ANO6: variants seen among roughly 807,000 people sequenced by gnomAD.
ANO6 encodes the protein anoctamin 6.
ANO6 carries 106 observed loss-of-function variants against 117.5 expected under a neutral mutation model. The ratio of observed to expected loss-of-function variants is 0.90; its 90% confidence interval spans 0.77 to 1.06. The LOEUF is 1.06. Ranked by LOEUF, ANO6 falls within the 50% of genes least tolerant of loss-of-function variation. The pLI is 0.00. For missense variants in ANO6, 955 were observed against 1,121.1 expected (o/e 0.85, Z 2.12); for synonymous variants, 367 against 385.1 (o/e 0.95, Z 0.55).
chr12:45,386,405 CCTT>C (rs1231901215), intron 10 of ANO6, among the ~76,000 whole-genome samples: 1 of 152,332 alleles, frequency 6.6e-6, no homozygotes. Context: ...GCACACTTGA[CCTT>C]CTTAAGACAC....
intron 1 of ANO6, among the ~76,000 whole-genome samples, chr12:45,222,744 C>T (rs1362729070): frequency 2.6e-5 from 4 of 152,194 alleles, no homozygotes; most frequent in African/African-American, 9.7e-5. Context: ...GAAATTCTCC[C>T]ATCTACCTTG....
intron 10 of ANO6, among the ~76,000 whole-genome samples, chr12:45,381,714 A>G (rs1324039050): frequency 1.3e-5 from 2 of 152,196 alleles, no homozygotes; most frequent in Non-Finnish European, 2.9e-5. Context: ...TTGCAATCCT[A>G]TCACTTCCCA....
chr12:45,255,340 A>G (rs1937771912), intron 1 of ANO6, among the ~76,000 whole-genome samples: 1 of 152,194 alleles, frequency 6.6e-6, no homozygotes, highest in African/African-American at 2.4e-5. Context: ...TCTCTACTAA[A>G]AATACAACAA....
chr12:45,431,690 A>G lies in ANO6; in HGVS notation c.*2379A>G, dbSNP rs1943636934. The stretch of plus-strand genomic sequence containing the variant: ...GTCCACGGCTGACTTGCAGTGATAA[A>G]GAAAAGCATGGAGCTGTGTCTGCAG... On this transcript the variant is annotated 3_prime_UTR_variant, in exon 20 of 20. Transcript: ENST00000320560. 1 of 985,344 alleles carries G rather than the reference A, an allele frequency of 1.0e-6. No homozygotes were observed. Among genetic ancestry groups the G allele is most frequent in the Non-Finnish European group, 1.2e-6 (1 of 829,950 alleles). The allele number at this position is 985,344 out of a possible 1,614,324, so 61.0% of individuals were successfully genotyped here.
chr12:45,290,808 G>A (rs183401418), intron 1 of ANO6, among the ~76,000 whole-genome samples: 56 of 152,296 alleles, frequency 3.7e-4, no homozygotes, highest in Non-Finnish European at 7.5e-4. Flanking sequence ...AATTTCATAT[G>A]AGATGGCAAG....
intron 2 of ANO6, among the ~76,000 whole-genome samples, chr12:45,328,330 C>T (rs559947929): frequency 2.0e-5 from 3 of 152,176 alleles, no homozygotes; most frequent in African/African-American, 4.8e-5. Context: ...TTTCCACCTT[C>T]GGAAGTCAGC....
chr12:45,297,229 A>G (rs1261497666), intron 1 of ANO6, among the ~76,000 whole-genome samples: 1 of 152,156 alleles, frequency 6.6e-6, no homozygotes, highest in Non-Finnish European at 1.5e-5. Context: ...CAATCCCTGT[A>G]ACAGATGAGT....
At chr12:45,251,029 C>T (rs78737851) in intron 1 of ANO6, among the ~76,000 whole-genome samples, 2,069 of 151,340 alleles carry the variant, frequency 0.014, 52 homozygotes, top group African/African-American at 0.047. Flanking sequence ...GCCCTGACAG[C>T]GCTTCAACCT....
intron 7 of ANO6, among the ~76,000 whole-genome samples, chr12:45,355,093 G>GTAGGGGA (rs1239814671): frequency 1.3e-5 from 2 of 152,166 alleles, no homozygotes; most frequent in African/African-American, 4.8e-5. Flanking sequence ...AGGGGAGGGG[G>GTAGGGGA]TAGGGGACTG....
intron 1 of ANO6, among the ~76,000 whole-genome samples, chr12:45,301,008 A>C (rs1489675143): frequency 6.6e-6 from 1 of 152,174 alleles, no homozygotes; most frequent in East Asian, 1.9e-4. Flanking sequence ...CTAACATGGC[A>C]CTTGTCCAAT....
intron 1 of ANO6, among the ~76,000 whole-genome samples, chr12:45,223,963 TTTC>T (rs1947443519): frequency 1.3e-5 from 2 of 152,324 alleles, no homozygotes; most frequent in South Asian, 4.1e-4. Context: ...CTAGTAGAAT[TTTC>T]TTCTTCTGTG....
chr12:45,264,692 T>A (rs1213697631), intron 1 of ANO6, among the ~76,000 whole-genome samples: 4 of 152,312 alleles, frequency 2.6e-5, no homozygotes, highest in South Asian at 2.1e-4. Flanking sequence ...ATACAAAAAA[T>A]TTTTTGTGGT....
At chr12:45,251,030 G>A (rs1017190523) in intron 1 of ANO6, among the ~76,000 whole-genome samples, 7 of 151,240 alleles carry the variant, frequency 4.6e-5, no homozygotes, top group African/African-American at 1.7e-4. Context: ...CCCTGACAGC[G>A]CTTCAACCTG....
intron 1 of ANO6, chr12:45,292,974 G>T (rs776329420): frequency 1.9e-6 from 3 of 1,551,020 alleles, no homozygotes; most frequent in Non-Finnish European, 2.6e-6. Context: ...CTGGAACAGT[G>T]AGCAGTGGGC....
chr12:45,274,730 G>A (rs543556210), intron 1 of ANO6, among the ~76,000 whole-genome samples: 4 of 150,898 alleles, frequency 2.7e-5, no homozygotes, highest in South Asian at 2.1e-4. Context: ...CCTGCTCTGC[G>A]TGTCTCTTAA....
At chr12:45,392,275 C>T (rs932303107) in intron 12 of ANO6, among the ~76,000 whole-genome samples, 11 of 152,208 alleles carry the variant, frequency 7.2e-5, no homozygotes, top group Admixed American at 4.6e-4. Flanking sequence ...GATCAATCTG[C>T]GAGGTGGCAG....
In ANO6 at chr12:45,401,791, T is replaced by C. The variant is rs764393202; in HGVS notation, c.1387-4T>C. The C allele has an allele frequency of 1.4e-5, 23 of 1,612,488 alleles. No homozygotes were observed. The highest frequency in any genetic ancestry group is 1.6e-5 in the Non-Finnish European group (19 of 1,178,988). ...TCATGCTACTGTGTTTGTTGTGCTT[T>C]CAGATCCTATTGATCATCGCTTCAG... is the stretch of plus-strand genomic sequence containing the variant. On this transcript the variant is annotated splice_region_variant and splice_polypyrimidine_tract_variant and intron_variant, in intron 12 of 19. Coordinates refer to ENST00000320560, the MANE Select transcript of ANO6 (RefSeq NM_001025356.3).
In ANO6 at chr12:45,429,406, C is replaced by G; in HGVS notation, c.*95C>G. 6.5e-7 allele frequency: 1 copy of G among 1,539,898 alleles called. No homozygotes were observed. The highest frequency in any genetic ancestry group is 1.2e-5 in the South Asian group (1 of 82,762). ...GAATGTGTAAGTTAAATCACTTTGG[C>G]AAATATGAGTCTCAACTATTGCCAT... is the stretch of plus-strand genomic sequence containing the variant. On this transcript the variant is annotated 3_prime_UTR_variant, in exon 20 of 20. Coordinates refer to ENST00000320560, the MANE Select transcript of ANO6 (RefSeq NM_001025356.3).
At position 45,431,585 on chromosome 12, in the gene ANO6, T is replaced by C; in HGVS notation, c.*2274T>C. ...AGGCACCAAATGTAATATCTGACAC[T>C]GTTAAGATGCCCAAAAGAGCAAAGT... On this transcript the variant is annotated 3_prime_UTR_variant, in exon 20 of 20. Transcript: ENST00000320560. The C allele has an allele frequency of 1.0e-6, 1 of 985,390 alleles. No individual in the cohort carries two copies. The highest frequency in any genetic ancestry group is 1.2e-6 in the Non-Finnish European group (1 of 829,916). 61.0% of individuals were successfully genotyped at this position (985,390 alleles called of 1,614,324 possible).
Sources: gnomAD v4.1 joint callset for allele counts (sites outside exome capture counted in the v4.1 genomes callset) on GRCh38, gnomAD v4.1.1 for gene constraint, MANE v1.5 for transcripts, NCBI Gene and HGNC (gene_info 2026-07-23, HGNC 2026-07-21) for gene names.